KIF26B: variants seen among roughly 807,000 people sequenced by gnomAD.
The protein encoded by KIF26B is kinesin family member 26B.
KIF26B carries 63 observed loss-of-function variants against 151.2 expected under a neutral mutation model. The observed-to-expected ratio is 0.42, with a 90% CI of 0.34 to 0.51. The LOEUF (loss-of-function observed/expected upper bound fraction) is 0.51. Ranked by LOEUF, KIF26B falls within the 20% of genes least tolerant of loss-of-function variation. The probability of loss-of-function intolerance (pLI) is 0.07; values close to 1 mark genes in which losing one functional copy is unlikely to be tolerated. For synonymous variants in KIF26B, 1,357 were observed against 1,262.1 expected (o/e 1.08, Z -1.59); for missense variants, 2,813 against 2,913.6 (o/e 0.97, Z 0.79).
chr1:245,257,266 T>G (rs1304505871), intron 2 of KIF26B, among the ~76,000 whole-genome samples: 4 of 152,302 alleles, frequency 2.6e-5, no homozygotes, highest in Admixed American at 2.6e-4. Context: ...GATTGACCTC[T>G]TGTGTTTCCC....
At chr1:245,442,021 G>C (rs1432283112) in intron 4 of KIF26B, among the ~76,000 whole-genome samples, 3 of 152,246 alleles carry the variant, frequency 2.0e-5, no homozygotes, top group South Asian at 2.1e-4. Flanking sequence ...TCAAAATGCA[G>C]ACTGAGATTT....
At chr1:245,407,051 G>A (rs954555200) in intron 3 of KIF26B, among the ~76,000 whole-genome samples, 6 of 152,184 alleles carry the variant, frequency 3.9e-5, no homozygotes, top group African/African-American at 1.2e-4. Context: ...GCCTCCCAAA[G>A]TGCTGGGATG....
In KIF26B at chr1:245,698,285, C is replaced by T. The variant is rs201961374; in HGVS notation, c.6004C>T (p.Arg2002Trp). The change falls in exon 13 of 15, where the codon CGG becomes TGG. Residue 2002 changes from arginine (R) to tryptophan (W), a missense_variant. Physicochemically the swap from Arg to Trp is moderately radical, Grantham distance 101. Around this residue, in one of 3 missense-constraint regions of KIF26B, gnomAD observed 2,060 missense variants for 2,088.6 expected, o/e 0.99. Coordinates refer to ENST00000407071, the MANE Select transcript of KIF26B (RefSeq NM_018012.4). The surrounding 1 kb of genome is among the most constrained non-coding windows in gnomAD (Gnocchi z 4.0). ...AATCGATGACGTGGAGCGCCTGCAG[C>T]GGCGACGAGGGGGTGCCAGCAAGGT... ...YEIDDVERLQ[R>W]RRGGASKEAM... The T allele has an allele frequency of 9.7e-5, 156 of 1,613,476 alleles. No individual in the cohort carries two copies. The highest frequency in any genetic ancestry group is 2.7e-4 in the East Asian group (12 of 44,854).
intron 9 of KIF26B, among the ~76,000 whole-genome samples, chr1:245,618,014 G>A (rs1360725073): frequency 6.6e-6 from 1 of 152,028 alleles, no homozygotes; most frequent in Non-Finnish European, 1.5e-5. Context: ...GTCTTTTCAT[G>A]CTTATGTTTT....
chr1:245,290,533 C>T (rs529244447), intron 2 of KIF26B, among the ~76,000 whole-genome samples: 2 of 152,290 alleles, frequency 1.3e-5, no homozygotes, highest in African/African-American at 4.8e-5. Context: ...CCTGATGTTG[C>T]CATGGCATTT....
intron 9 of KIF26B, among the ~76,000 whole-genome samples, chr1:245,623,519 G>A (rs920128545): frequency 6.6e-6 from 1 of 152,098 alleles, no homozygotes; most frequent in African/African-American, 2.4e-5. Context: ...TTTCCAGTTT[G>A]GGGATATTAC....
chr1:245,499,866 C>T (rs1282319240), intron 4 of KIF26B, among the ~76,000 whole-genome samples: 3 of 152,126 alleles, frequency 2.0e-5, no homozygotes, highest in African/African-American at 2.4e-5. Flanking sequence ...ATCATGGGTG[C>T]GAGGTACACA....
intron 2 of KIF26B, among the ~76,000 whole-genome samples, chr1:245,162,119 C>G (rs951667830): frequency 6.6e-6 from 1 of 152,234 alleles, no homozygotes; most frequent in East Asian, 1.9e-4. Flanking sequence ...AGTGCCCCAT[C>G]GGCAGGGCGG....
At chr1:245,646,379 C>A in intron 10 of KIF26B, 99 bp downstream of exon 10, 3 of 1,281,322 alleles carry the variant, frequency 2.3e-6, no homozygotes, top group Non-Finnish European at 3.2e-6. Flanking sequence ...AGAGGGACAG[C>A]CTGGACCCCA....
chr1:245,350,230 T>A (rs1249233361), intron 2 of KIF26B, among the ~76,000 whole-genome samples: 2 of 152,124 alleles, frequency 1.3e-5, no homozygotes, highest in Non-Finnish European at 2.9e-5. Flanking sequence ...GAGTCATTCA[T>A]CTGGTCAATG....
At chr1:245,638,496 G>T (rs2043856910) in intron 9 of KIF26B, among the ~76,000 whole-genome samples, 1 of 151,712 alleles carries the variant, frequency 6.6e-6, no homozygotes, top group East Asian at 1.9e-4. Flanking sequence ...TATTGTGCTG[G>T]CTAGGAATTC....
At chr1:245,613,588 G>C (rs1165798959) in intron 9 of KIF26B, among the ~76,000 whole-genome samples, 2 of 152,076 alleles carry the variant, frequency 1.3e-5, no homozygotes, top group Non-Finnish European at 2.9e-5. Context: ...ACAGAGCAAG[G>C]CTCTGTCTCA....
intron 3 of KIF26B, among the ~76,000 whole-genome samples, chr1:245,382,979 AT>A (rs2103018327): frequency 6.7e-6 from 1 of 148,728 alleles, no homozygotes; most frequent in African/African-American, 2.5e-5. Flanking sequence ...TATATAAATT[AT>A]TTTTAGTGAA....
Position 245,563,847 on chromosome 1 carries a change from G to A in KIF26B, c.1350+22897G>A, listed in dbSNP as rs2042979705. Among the ~76,000 whole-genome samples, 1 of 152,170 alleles carries A rather than the reference G, an allele frequency of 6.6e-6. No individual in the cohort carries two copies. The highest frequency in any genetic ancestry group is 6.5e-5 in the Admixed American group (1 of 15,276). On this transcript the variant is annotated intron_variant, in intron 5 of 14. Transcript: ENST00000407071. This position sits in a 1 kb window ranked among gnomAD's most constrained non-coding sequence, Gnocchi z 4.6. ...AAGCGGGCTCCTGCAGGACCCGGGA[G>A]ACAGTGTTGAACTTGACCTTGCTCT... is the stretch of plus-strand genomic sequence containing the variant.
intron 2 of KIF26B, among the ~76,000 whole-genome samples, chr1:245,254,597 T>TTTGGAAAGAACC: frequency 6.6e-6 from 1 of 152,224 alleles, no homozygotes; most frequent in Non-Finnish European, 1.5e-5. Flanking sequence ...CAAAAGTGCA[T>TTTGGAAAGAACC]ATAAGAATGG....
At chr1:245,265,707 C>T (rs908499179) in intron 2 of KIF26B, among the ~76,000 whole-genome samples, 3 of 151,626 alleles carry the variant, frequency 2.0e-5, no homozygotes, top group African/African-American at 4.8e-5. Flanking sequence ...CCCAAGTGAT[C>T]CTCCCACCTC....
chr1:245,472,811 C>T (rs1441441022), intron 4 of KIF26B, among the ~76,000 whole-genome samples: 1 of 152,172 alleles, frequency 6.6e-6, no homozygotes, highest in African/African-American at 2.4e-5. Flanking sequence ...GGAGGGTTCC[C>T]CAGGCCTGCA....
intron 2 of KIF26B, among the ~76,000 whole-genome samples, chr1:245,161,976 G>A (rs186864882): frequency 1.3e-5 from 2 of 152,124 alleles, no homozygotes; most frequent in African/African-American, 4.8e-5. Flanking sequence ...TGCAAGGGGC[G>A]GGGGGAAGGA....
At chr1:245,546,858 A>G (rs76792617) in intron 5 of KIF26B, among the ~76,000 whole-genome samples, 2 of 152,250 alleles carry the variant, frequency 1.3e-5, no homozygotes, top group African/African-American at 2.4e-5. Flanking sequence ...ATGTGACGTT[A>G]AACTCCATAG....
Sources: gnomAD v4.1 joint callset for allele counts (sites outside exome capture counted in the v4.1 genomes callset) on GRCh38, gnomAD v4.1.1 for gene constraint, gnomAD v4.1.1 regional missense constraint, Gnocchi (gnomAD v3.1) non-coding constraint, MANE v1.5 for transcripts, NCBI Gene and HGNC (gene_info 2026-07-23, HGNC 2026-07-21) for gene names.